BTN2A1: variants seen among roughly 807,000 people sequenced by gnomAD.
BTN2A1 encodes the protein butyrophilin subfamily 2 member A1, also known as butyrophilin, subfamily 2, member A1.
In BTN2A1, 41 loss-of-function variants were observed where a neutral mutation model predicts 34.5. The ratio of observed to expected loss-of-function variants is 1.19; its 90% CI spans 0.93 to 1.54. The LOEUF (loss-of-function observed/expected upper bound fraction) is 1.54, where lower values mean the gene tolerates loss of function less well. Ranked by LOEUF, BTN2A1 falls within the 40% of genes most tolerant of loss-of-function variation. The pLI, the probability that BTN2A1 is intolerant of heterozygous loss-of-function variation, is 0.00. For missense variants in BTN2A1, 642 were observed against 662.0 expected, an observed-to-expected ratio of 0.97 and a Z score of 0.33; for synonymous variants, 267 against 258.6, an observed-to-expected ratio of 1.03 and a Z score of -0.31.
chr6:26,474,356 G>A (rs139683600), downstream of BTN2A1, among the ~76,000 whole-genome samples: 1,238 of 152,304 alleles, frequency 8.1e-3, 19 homozygotes, highest in African/African-American at 0.027. Flanking sequence ...GTGGAATGGA[G>A]CTCACTGAAC....
In BTN2A1 at chr6:26,459,480, G is replaced by C; in HGVS notation, c.83-1G>C. The C allele has an allele frequency of 6.2e-7, 1 of 1,613,432 alleles. No homozygotes were observed. The highest frequency in any genetic ancestry group is 8.5e-7 in the Non-Finnish European group (1 of 1,179,468). On this transcript the variant is annotated splice_acceptor_variant, in intron 2 of 7. Transcript: ENST00000312541. LOFTEE classifies it high-confidence loss of function. ...TCTGACTCTACCCCTTTGTTGAACA[G>C]CCCAGTTTATTGTCGTGGGGCCCAC...
Position 26,468,314 on chromosome 6 carries a change from T to C in BTN2A1, c.1349T>C (p.Val450Ala), listed in dbSNP as rs561368774. The C allele has an allele frequency of 6.2e-7, 1 of 1,614,154 alleles. No homozygotes were observed. The highest frequency in any genetic ancestry group is 1.3e-5 in the African/African-American group (1 of 75,040). The change falls in exon 8 of 8, where the codon GTG becomes GCG. Residue 450 changes from valine (V) to alanine (A), a missense_variant. By Grantham distance (64) the Val-to-Ala change is moderately conservative (BLOSUM62 0). Transcript: ENST00000312541. ...ILPLKESLCR[V>A]GVFLDYEAGD... ...CCTTTGAAGGAGTCCCTTTGCCGGG[T>C]GGGCGTCTTCCTGGACTATGAAGCT...
At chr6:26,464,942 G>A (rs867801242) in intron 4 of BTN2A1, among the ~76,000 whole-genome samples, 15 of 152,290 alleles carry the variant, frequency 9.8e-5, no homozygotes, top group African/African-American at 2.6e-4. Flanking sequence ...TCAGCATGAC[G>A]GGTTAGCTTT....
In BTN2A1 at chr6:26,458,545, G is replaced by A. The variant is rs1175803952; in HGVS notation, c.-30-62G>A. 2.2e-6 allele frequency: 3 copies of A among 1,378,878 alleles called. No individual in the cohort carries two copies. The East Asian group carries it at 6.9e-5, about 32-fold the overall frequency. The allele number at this position is 1,378,878 out of a possible 1,614,324, so 85.4% of individuals were successfully genotyped here. A position where few individuals can be genotyped will look rare whatever the true frequency, so the allele number is the denominator to read the frequency against. On this transcript the variant is annotated intron_variant, in intron 1 of 7. Transcript: ENST00000312541. Reference sequence around the variant, plus strand: ...GAGACCTACTTGAGTGACGGGAGAGGTTGGGCCCGACCAGCACTGAGGTGC... The same window carrying A: ...GAGACCTACTTGAGTGACGGGAGAGATTGGGCCCGACCAGCACTGAGGTGC...
In BTN2A1 at chr6:26,465,320, A is replaced by G; in HGVS notation, c.848A>G (p.Lys283Arg). 1 of 1,614,194 alleles carries G rather than the reference A, an allele frequency of 6.2e-7. No homozygotes were observed. The highest frequency in any genetic ancestry group is 8.5e-7 in the Non-Finnish European group (1 of 1,180,034). ...QKEKKILSGE[K>R]EFERETREIA... ...GAAAAAAAGATTCTGTCAGGGGAAA[A>G]GGAGTTTGAACGGGAAACAAGAGAA... The change falls in exon 5 of 8, where the codon AAG (lysine) becomes AGG (arginine). Residue 283 changes from lysine to arginine, a missense_variant. Lys to Arg is a conservative substitution (Grantham distance 26). Transcript: ENST00000312541.
At chr6:26,460,594 G>A (rs1189993843) in intron 3 of BTN2A1, among the ~76,000 whole-genome samples, 1 of 152,132 alleles carries the variant, frequency 6.6e-6, no homozygotes, top group Non-Finnish European at 1.5e-5. Context: ...CAGTTTTGGG[G>A]TTAGTGTATT....
chr6:26,476,187 C>T (rs1763535717), exon 8 of BTN2A1: 16 of 1,535,622 alleles, frequency 1.0e-5, no homozygotes, highest in Non-Finnish European at 1.3e-5. Context: ...TGATGGCAGC[C>T]TGGTTTGAAA....
At position 26,468,070 on chromosome 6, in the gene BTN2A1, T is replaced by G; in HGVS notation, c.1105T>G (p.Phe369Val). 1 of 1,614,156 alleles carries G rather than the reference T, an allele frequency of 6.2e-7. No individual in the cohort carries two copies. The highest frequency in any genetic ancestry group is 1.1e-5 in the South Asian group (1 of 91,080). Residue 369 changes from phenylalanine to valine, a missense_variant, in exon 8 of 8, where the codon TTC becomes GTC. Coordinates refer to ENST00000312541, the MANE Select transcript of BTN2A1 (RefSeq NM_007049.5). The part of the protein sequence containing the change: ...GESVPDNPER[F>V]DSQPCVLGRE... ...GAGCGTGCCTGACAACCCAGAGAGA[T>G]TCGACAGTCAGCCTTGTGTCCTAGG...
Position 26,468,654 on chromosome 6 carries a change from A to G in BTN2A1, c.*105A>G. The G allele has an allele frequency of 2.5e-6, 4 of 1,613,832 alleles. No individual in the cohort carries two copies. The highest frequency in any genetic ancestry group is 3.4e-6 in the Non-Finnish European group (4 of 1,180,022). ...ACACGCCCTCCTCCCCTCTGGTCAC[A>G]CAAGAGAACATCTTCCAGCTGCCTC... On this transcript the variant is annotated 3_prime_UTR_variant, in exon 8 of 8. Coordinates refer to ENST00000312541, the MANE Select transcript of BTN2A1 (RefSeq NM_007049.5).
At chr6:26,471,067 C>T (rs6910921), downstream of BTN2A1, among the ~76,000 whole-genome samples, 19,889 of 152,138 alleles carry the variant, frequency 0.13, 3,467 homozygotes, top group African/African-American at 0.4. Flanking sequence ...CTCAGTAATC[C>T]AGTTGTAAAA....
chr6:26,473,978 T>G (rs1763496694), downstream of BTN2A1, among the ~76,000 whole-genome samples: 1 of 151,780 alleles, frequency 6.6e-6, no homozygotes, highest in Non-Finnish European at 1.5e-5. Context: ...ATTCTCTTAG[T>G]GTTTCTCGGA....
At chr6:26,474,673 G>T (rs752373113) in intron 7 of BTN2A1, among the ~76,000 whole-genome samples, 2 of 152,080 alleles carry the variant, frequency 1.3e-5, no homozygotes, top group Non-Finnish European at 2.9e-5. Flanking sequence ...CTGAGATTTG[G>T]CTGAAGAGGG....
chr6:26,461,797 A>G (rs904146093), intron 3 of BTN2A1, among the ~76,000 whole-genome samples: 1 of 151,258 alleles, frequency 6.6e-6, no homozygotes, highest in African/African-American at 2.4e-5. Context: ...ATAAATCAAT[A>G]AATAAATAAA....
downstream of BTN2A1, among the ~76,000 whole-genome samples, chr6:26,474,213 A>C (rs1763500756): frequency 6.6e-6 from 1 of 152,204 alleles, no homozygotes; most frequent in Non-Finnish European, 1.5e-5. Flanking sequence ...CAAATAGCTG[A>C]GTCTCAGCCA....
chr6:26,468,334 G>A lies in BTN2A1; in HGVS notation c.1369G>A (p.Glu457Lys), dbSNP rs201411917. 39 of 1,614,216 alleles carry A rather than the reference G, an allele frequency of 2.4e-5. No homozygotes were observed. The East Asian group carries it at 7.6e-4, about 31-fold the overall frequency. ...CCGGGTGGGCGTCTTCCTGGACTAT[G>A]AAGCTGGAGATGTCTCCTTCTACAA... ...LCRVGVFLDY[E>K]AGDVSFYNMR... is the part of the protein sequence containing the mutation. The change falls in exon 8 of 8, where the codon GAA (glutamate) becomes AAA (lysine). Residue 457 changes from glutamate to lysine, a missense_variant. Glu to Lys is a moderately conservative substitution (Grantham distance 56). Transcript: ENST00000312541.
intron 7 of BTN2A1, 99 bp from the exon 8 acceptor site, chr6:26,467,849 A>T: frequency 6.4e-7 from 1 of 1,560,768 alleles, no homozygotes; most frequent in Non-Finnish European, 8.6e-7. Flanking sequence ...CTACGTGGGG[A>T]TCCCTTCAGA....
At chr6:26,463,601 T>G in intron 4 of BTN2A1, 76 bp downstream of exon 4, 1 of 1,520,198 alleles carries the variant, frequency 6.6e-7, no homozygotes, top group Non-Finnish European at 9.0e-7. Flanking sequence ...AGAACGGGGA[T>G]GGGGGCAGCA....
chr6:26,462,783 C>G, intron 3 of BTN2A1: 1 of 1,283,664 alleles, frequency 7.8e-7, no homozygotes, highest in Non-Finnish European at 1.0e-6. Flanking sequence ...TCGTCCTTCT[C>G]GTTATTATTC....
rs990255796 is a variant in BTN2A1 at position 26,459,629 on chromosome 6, G to A, written c.231G>A (p.Val77=). The A allele has an allele frequency of 3.7e-6, 6 of 1,614,126 alleles. No homozygotes were observed. The highest frequency in any genetic ancestry group is 2.7e-5 in the African/African-American group (2 of 75,038). Residue 77 remains valine, a synonymous_variant, in exon 3 of 8, where the codon GTG becomes GTA. Transcript: ENST00000312541. Reference sequence around the variant, plus strand: ...CTCAGTTCTCCCCCGCAGTGTTTGTGTATAAAGGTGGCAGAGAGAGAACAG... The same window carrying A: ...CTCAGTTCTCCCCCGCAGTGTTTGTATATAAAGGTGGCAGAGAGAGAACAG... The part of the protein sequence containing the change: ...FRSQFSPAVF[V]YKGGRERTEE...
Sources: allele counts gnomAD v4.1 joint callset (sites outside exome capture counted in the v4.1 genomes callset), GRCh38; gene constraint gnomAD v4.1.1; transcripts MANE v1.5; gene names NCBI Gene and HGNC (gene_info 2026-07-23, HGNC 2026-07-21).